MBNL1: variants seen among roughly 807,000 people sequenced by gnomAD.
MBNL1 encodes the protein muscleblind like splicing regulator 1.
Under a neutral mutation model 42.2 loss-of-function variants are expected in MBNL1, and 8 were observed. That is an observed-to-expected ratio of 0.19 (90% CI 0.11 to 0.34). The LOEUF is 0.34. Ranked by LOEUF, MBNL1 falls within the 10% of genes least tolerant of loss-of-function variation. The pLI is 1.00. For synonymous variants in MBNL1, 169 were observed against 173.9 expected (o/e 0.97, Z 0.22); for missense variants, 309 against 495.3 (o/e 0.62, Z 3.57).
chr3:152,390,389 T>G (rs2097658587), intron 2 of MBNL1, among the ~76,000 whole-genome samples: 1 of 152,076 alleles, frequency 6.6e-6, no homozygotes, highest in South Asian at 2.1e-4. Context: ...CTAGAAGGTC[T>G]TCAAGAATGA....
In MBNL1 at chr3:152,257,865, C is replaced by T. The variant is rs139267958; in HGVS notation, n.333+13425C>T. ...ATGCAACTGTGCATCTTATACTCTT[C>T]GTTAATGTGGTAGATACCATTTGCT... is the stretch of plus-strand genomic sequence containing the variant. On this transcript the variant is annotated intron_variant and non_coding_transcript_variant, in intron 2 of 2. Transcript: ENST00000477171. 1.6e-3 allele frequency among the ~76,000 whole-genome samples: 237 copies of T among 152,252 alleles called. 1 individual carries two copies. Among genetic ancestry groups the T allele is most frequent in the African/African-American group, 3.7e-3 (155 of 41,548 alleles).
At chr3:152,437,934 C>T (rs558183109) in intron 4 of MBNL1, among the ~76,000 whole-genome samples, 32 of 152,110 alleles carry the variant, frequency 2.1e-4, no homozygotes, top group African/African-American at 6.3e-4. Context: ...CCACCATGCC[C>T]GGCTAATTTT....
At chr3:152,267,771 G>T (rs1454690762), upstream of MBNL1, 1 of 152,198 alleles carries the variant, frequency 6.6e-6, no homozygotes, top group Non-Finnish European at 1.5e-5. Flanking sequence ...GCCTCTGGAA[G>T]ATATTTCTGC....
At chr3:152,259,330 C>T (rs1035925743) in intron 2 of MBNL1, among the ~76,000 whole-genome samples, 1 of 152,020 alleles carries the variant, frequency 6.6e-6, no homozygotes, top group Non-Finnish European at 1.5e-5. Context: ...TGAACAGAAT[C>T]GTTAAACTTC....
chr3:152,423,288 G>C (rs2098836854), intron 3 of MBNL1, among the ~76,000 whole-genome samples: 1 of 152,118 alleles, frequency 6.6e-6, no homozygotes, highest in Admixed American at 6.5e-5. Flanking sequence ...TACCAGCAGA[G>C]AATACTATAA....
intron 1 of MBNL1, among the ~76,000 whole-genome samples, chr3:152,286,593 T>G (rs1022326720): frequency 6.9e-6 from 1 of 145,462 alleles, no homozygotes; most frequent in African/African-American, 2.5e-5. Flanking sequence ...TAATTATATT[T>G]TATAGGTTGA....
intron 2 of MBNL1, among the ~76,000 whole-genome samples, chr3:152,345,029 G>A (rs2093998390): frequency 6.6e-6 from 1 of 151,766 alleles, no homozygotes; most frequent in African/African-American, 2.4e-5. Flanking sequence ...ATTGTATGTA[G>A]GTCTAGCATA....
At chr3:152,326,011 AAAG>A (rs1225025088) in intron 2 of MBNL1, among the ~76,000 whole-genome samples, 2 of 152,136 alleles carry the variant, frequency 1.3e-5, no homozygotes, top group African/African-American at 4.8e-5. Flanking sequence ...TAGCATGTTA[AAAG>A]AAGTCTCAGA....
chr3:152,330,559 C>T (rs540980000), intron 2 of MBNL1, among the ~76,000 whole-genome samples: 5 of 152,158 alleles, frequency 3.3e-5, no homozygotes, highest in African/African-American at 4.8e-5. Flanking sequence ...TTTGCTATAA[C>T]GACATGGAAT....
intron 2 of MBNL1, among the ~76,000 whole-genome samples, chr3:152,307,705 ATTGTT>A (rs2063943352): frequency 1.3e-5 from 2 of 152,210 alleles, no homozygotes; most frequent in African/African-American, 4.8e-5. Context: ...TGTACTCTTA[ATTGTT>A]TTGTTATGTT....
intron 2 of MBNL1, among the ~76,000 whole-genome samples, chr3:152,407,671 A>C (rs1221404174): frequency 1.3e-5 from 2 of 152,164 alleles, no homozygotes; most frequent in African/African-American, 4.8e-5. Context: ...ATATTTGAGA[A>C]TTTAAACATT....
chr3:152,449,476 C>T (rs1369779887), intron 6 of MBNL1: 2 of 152,154 alleles, frequency 1.3e-5, no homozygotes, highest in Non-Finnish European at 2.9e-5. Context: ...ATAGGTTTCA[C>T]ATTAGTTTTT....
chr3:152,454,592 T>C (rs1480816971), intron 6 of MBNL1, among the ~76,000 whole-genome samples: 1 of 152,236 alleles, frequency 6.6e-6, no homozygotes, highest in Non-Finnish European at 1.5e-5. Flanking sequence ...AAGGACTATC[T>C]ATATATGCAA....
Position 152,330,780 on chromosome 3 carries a change from A to G in MBNL1, c.174+30413A>G, listed in dbSNP as rs147911211. 2.4e-3 allele frequency among the ~76,000 whole-genome samples: 365 copies of G among 152,256 alleles called. 1 individual carries two copies. The highest frequency in any genetic ancestry group is 8.6e-3 in the African/African-American group (358 of 41,554). Reference sequence around the variant, plus strand: ...CTGTTTTATTATAGTTATTGTTGTTAATCACTTACTGTGCCTAATTTATAA... The same window carrying G: ...CTGTTTTATTATAGTTATTGTTGTTGATCACTTACTGTGCCTAATTTATAA... On this transcript the variant is annotated intron_variant, in intron 2 of 9. Coordinates refer to ENST00000324210, the MANE Select transcript of MBNL1 (RefSeq NM_021038.5).
chr3:152,412,235 G>A (rs1191410861), intron 2 of MBNL1, among the ~76,000 whole-genome samples: 2 of 152,176 alleles, frequency 1.3e-5, no homozygotes, highest in Non-Finnish European at 2.9e-5. Flanking sequence ...TTCCTAAGAA[G>A]CAAAGTGTAT....
Position 152,411,477 on chromosome 3 carries a change from G to A in MBNL1, c.175-3464G>A, listed in dbSNP as rs750107250. 7.3e-4 allele frequency among the ~76,000 whole-genome samples: 111 copies of A among 152,206 alleles called. 1 individual carries two copies. The highest frequency in any genetic ancestry group is 1.2e-3 in the African/African-American group (48 of 41,534). ...GGAGCTTGCAGTGAGCCCAGATCGC[G>A]CCACTGCACTCCAGCCTGAGCGACA... On this transcript the variant is annotated intron_variant, in intron 2 of 9. Transcript: ENST00000324210.
intron 2 of MBNL1, among the ~76,000 whole-genome samples, chr3:152,319,391 G>A (rs2074718086): frequency 6.6e-6 from 1 of 152,014 alleles, no homozygotes; most frequent in African/African-American, 2.4e-5. Flanking sequence ...GAGTGGTGAG[G>A]TTAGGGTTTA....
chr3:152,421,136 C>T (rs571681381), intron 3 of MBNL1, among the ~76,000 whole-genome samples: 28 of 152,292 alleles, frequency 1.8e-4, no homozygotes, highest in African/African-American at 5.3e-4. Context: ...ACCAAACCTA[C>T]GTTTGATTGG....
chr3:152,329,663 A>T (rs2082769366), intron 2 of MBNL1, among the ~76,000 whole-genome samples: 1 of 125,470 alleles, frequency 8.0e-6, no homozygotes, highest in Admixed American at 8.2e-5. Flanking sequence ...ATATACATAT[A>T]TATTTTATCT....
Sources: gnomAD v4.1 joint callset for allele counts (sites outside exome capture counted in the v4.1 genomes callset) on GRCh38, gnomAD v4.1.1 for gene constraint, MANE v1.5 for transcripts, NCBI Gene and HGNC (gene_info 2026-07-23, HGNC 2026-07-21) for gene names.